The following PRKAB1 variants were observed in gnomAD, a reference collection of about 807,000 sequenced individuals.
PRKAB1 encodes 5'-AMP-activated protein kinase subunit beta-1.
Under a neutral mutation model 32.0 loss-of-function variants are expected in PRKAB1, and 18 were observed. That is an observed-to-expected ratio of 0.56 (90% CI 0.39 to 0.83). PRKAB1 has a LOEUF of 0.83. Ranked by LOEUF, PRKAB1 falls within the 40% of genes least tolerant of loss-of-function variation. The pLI is 0.00. For synonymous variants in PRKAB1, 141 were observed against 141.4 expected (o/e 1.00, Z 0.02); for missense variants, 263 against 352.6 (o/e 0.75, Z 2.03).
In PRKAB1 at chr12:119,674,238, T is replaced by C; in HGVS notation, c.418-102T>C. On this transcript the variant is annotated intron_variant, in intron 3 of 6. Transcript: ENST00000229328. This position sits in a 1 kb window ranked among gnomAD's most constrained non-coding sequence, Gnocchi z 4.3. ...ACTTGACCAAGATGAGCAGGGTGGC[T>C]AGCCAGGAGATGAGGCCTTCCAGCC... 9.2e-7 allele frequency: 1 copy of C among 1,084,658 alleles called. No homozygotes were observed. The highest frequency in any genetic ancestry group is 1.5e-5 in the South Asian group (1 of 68,906). The allele number at this position is 1,084,658 out of a possible 1,614,324, so 67.2% of individuals were successfully genotyped here. A position where few individuals can be genotyped will look rare whatever the true frequency, so the allele number is the denominator to read the frequency against.
In PRKAB1 at chr12:119,674,452, C is replaced by T. The variant is rs762954063; in HGVS notation, c.530C>T (p.Ser177Phe). 3 of 1,600,280 alleles carry T rather than the reference C, an allele frequency of 1.9e-6. No individual in the cohort carries two copies. Among genetic ancestry groups the T allele is most frequent in the African/African-American group, 2.7e-5 (2 of 74,666 alleles). ...MVDSQKCSDV[S>F]ELSSSPPGPY... ...GATTCCCAAAAGTGCTCCGATGTGT[C>T]TGGTATGAACACAGTTATTTTATAC... is the stretch of plus-strand genomic sequence containing the variant. The change falls in exon 4 of 7, where the codon TCT becomes TTT. Residue 177 changes from serine to phenylalanine, a missense_variant and splice_region_variant. By Grantham distance (155) the Ser-to-Phe change is radical. Transcript: ENST00000229328. The surrounding 1 kb of genome is among the most constrained non-coding windows in gnomAD (Gnocchi z 4.3).
At chr12:119,672,492 T>A in intron 2 of PRKAB1, 28 bp downstream of exon 2, 1 of 1,481,748 alleles carries the variant, frequency 6.7e-7, no homozygotes, top group South Asian at 1.4e-5. Context: ...GTTCACATAT[T>A]TGTCTTAACA....
Position 119,680,617 on chromosome 12 carries a change from T to C in PRKAB1, c.*292T>C, listed in dbSNP as rs1221548956. On this transcript the variant is annotated 3_prime_UTR_variant, in exon 7 of 7. Coordinates refer to ENST00000229328, the MANE Select transcript of PRKAB1 (RefSeq NM_006253.5). ...TCTGCAGCCCTGGCCCCGCGGTGCATGAGGCTGGGTGCAGTTCTAAACCTA... is the reference window on the plus strand; with the variant it reads ...TCTGCAGCCCTGGCCCCGCGGTGCACGAGGCTGGGTGCAGTTCTAAACCTA... 2.3e-6 allele frequency: 1 copy of C among 437,000 alleles called. No homozygotes were observed. Among genetic ancestry groups the C allele is most frequent in the East Asian group, 3.8e-5 (1 of 26,180 alleles). 27.1% of individuals were successfully genotyped at this position (437,000 alleles called of 1,614,324 possible). A position where few individuals can be genotyped will look rare whatever the true frequency, so the allele number is the denominator to read the frequency against.
chr12:119,671,476 A>G (rs1426391065), intron 1 of PRKAB1: 2 of 419,514 alleles, frequency 4.8e-6, no homozygotes, highest in African/African-American at 2.0e-5. Flanking sequence ...CAATCATGGT[A>G]AAAGGCACCT....
intron 1 of PRKAB1, among the ~76,000 whole-genome samples, chr12:119,670,517 T>C (rs1212439197): frequency 6.6e-6 from 1 of 152,232 alleles, no homozygotes; most frequent in Admixed American, 6.5e-5. Context: ...GAATCATGTT[T>C]CTCTAATGAC....
At chr12:119,668,889 C>T (rs1213376175) in intron 1 of PRKAB1, among the ~76,000 whole-genome samples, 1 of 152,176 alleles carries the variant, frequency 6.6e-6, no homozygotes, top group Non-Finnish European at 1.5e-5. Flanking sequence ...CAGCTGACGG[C>T]AGTTGCCAGA....
Position 119,676,521 on chromosome 12 carries a change from T to C in PRKAB1, c.533-16T>C, listed in dbSNP as rs1565876731. 2 of 1,596,074 alleles carry C rather than the reference T, an allele frequency of 1.3e-6. No individual in the cohort carries two copies. Among genetic ancestry groups the C allele is most frequent in the African/African-American group, 1.3e-5 (1 of 74,476 alleles). ...CCTGATTTTCAAAGTAAAGTCCTGT[T>C]ACCATCTCCCAACAGAGCTGTCCAG... On this transcript the variant is annotated splice_polypyrimidine_tract_variant and intron_variant, in intron 4 of 6. Coordinates refer to ENST00000229328, the MANE Select transcript of PRKAB1 (RefSeq NM_006253.5).
intron 4 of PRKAB1, among the ~76,000 whole-genome samples, chr12:119,675,029 G>C (rs1174398046): frequency 1.3e-5 from 2 of 152,234 alleles, no homozygotes; most frequent in Non-Finnish European, 2.9e-5. Flanking sequence ...TCTTGTAAGA[G>C]CCTTTCAGGC....
At chr12:119,668,494 C>T (rs1056975546) in intron 1 of PRKAB1, 91 bp downstream of exon 1, 13 of 1,500,692 alleles carry the variant, frequency 8.7e-6, no homozygotes, top group Middle Eastern at 1.7e-4. Context: ...TTTCGAAAAA[C>T]ACCAGAACGG....
chr12:119,674,043 C>T lies in PRKAB1; in HGVS notation c.403C>T (p.His135Tyr), dbSNP rs1401257819. 1 of 1,613,618 alleles carries T rather than the reference C, an allele frequency of 6.2e-7. No individual in the cohort carries two copies. The highest frequency in any genetic ancestry group is 2.2e-5 in the East Asian group (1 of 44,878). The change falls in exon 3 of 7, where the codon CAC becomes TAC. Residue 135 changes from histidine (H) to tyrosine (Y), a missense_variant. Physicochemically the swap from His to Tyr is moderately conservative, Grantham distance 83. Coordinates refer to ENST00000229328, the MANE Select transcript of PRKAB1 (RefSeq NM_006253.5). The surrounding 1 kb of genome is among the most constrained non-coding windows in gnomAD (Gnocchi z 4.3). ...YKFFVDGQWTHDPSEPIVTSQ... is the reference protein window; with the variant it reads ...YKFFVDGQWTYDPSEPIVTSQ... ...GTTCTTTGTGGATGGTCAGTGGACG[C>T]ACGACCCTTCCGAGGTACTCTTCCT...
At position 119,668,308 on chromosome 12, in the gene PRKAB1, AGGGACAGCTCGGG is replaced by A; in HGVS notation, c.68_80del (p.Asp23AlafsTer11). On this transcript the variant is annotated frameshift_variant, in exon 1 of 7. Coordinates refer to ENST00000229328, the MANE Select transcript of PRKAB1 (RefSeq NM_006253.5). LOFTEE classifies it high-confidence loss of function. ...GCATGGTGGCCATAAGACGCCCCGG[AGGGACAGCTCGGG>A]GGGCACCAAGGACGGGGACAGGCCC... 2 of 1,612,616 alleles carry A rather than the reference AGGGACAGCTCGGG, an allele frequency of 1.2e-6. No individual in the cohort carries two copies. The highest frequency in any genetic ancestry group is 1.7e-6 in the Non-Finnish European group (2 of 1,179,422).
In PRKAB1 at chr12:119,679,684, C is replaced by G; in HGVS notation, c.667-249C>G. 1 of 503,888 alleles carries G rather than the reference C, an allele frequency of 2.0e-6. No individual in the cohort carries two copies. The highest frequency in any genetic ancestry group is 2.0e-5 in the South Asian group (1 of 49,562). The allele number at this position is 503,888 out of a possible 1,614,324, so 31.2% of individuals were successfully genotyped here. A position where few individuals can be genotyped will look rare whatever the true frequency, so the allele number is the denominator to read the frequency against. ...GCCGTGGCCCACACTTGAAAGAGGCCGGGGTAAATGCCTGGCCAGAGACAC... is the reference window on the plus strand; with the variant it reads ...GCCGTGGCCCACACTTGAAAGAGGCGGGGGTAAATGCCTGGCCAGAGACAC... On this transcript the variant is annotated intron_variant, in intron 5 of 6. Coordinates refer to ENST00000229328, the MANE Select transcript of PRKAB1 (RefSeq NM_006253.5). This position sits in a 1 kb window ranked among gnomAD's most constrained non-coding sequence, Gnocchi z 4.1.
rs1955463713 is a variant in PRKAB1, at chr12:119,681,497, T to A, written c.*1172T>A. 1 of 152,218 alleles carries A rather than the reference T, an allele frequency of 6.6e-6. No homozygotes were observed. The highest frequency in any genetic ancestry group is 1.5e-5 in the Non-Finnish European group (1 of 68,030). The allele number at this position is 152,218 out of a possible 1,614,324, so 9.4% of individuals were successfully genotyped here. Reference sequence around the variant, plus strand: ...CCTGGTGGGAGAGGGAGGAGTGAGCTCCCTGGGTTCCAGTATTTACTTGGT... The same window carrying A: ...CCTGGTGGGAGAGGGAGGAGTGAGCACCCTGGGTTCCAGTATTTACTTGGT... On this transcript the variant is annotated 3_prime_UTR_variant, in exon 7 of 7. Coordinates refer to ENST00000229328, the MANE Select transcript of PRKAB1 (RefSeq NM_006253.5).
At position 119,674,150 on chromosome 12, in the gene PRKAB1, CT is replaced by C; in HGVS notation, c.417+94del. The C allele has an allele frequency of 7.9e-7, 1 of 1,258,622 alleles. No homozygotes were observed. The allele number at this position is 1,258,622 out of a possible 1,614,324, so 78.0% of individuals were successfully genotyped here. The stretch of plus-strand genomic sequence containing the variant: ...ATTGCCGCTAGGTCCCTTTGCCCAG[CT>C]AGTAAAAGTCCCCGTGTGTGGCAGA... On this transcript the variant is annotated intron_variant, in intron 3 of 6. Coordinates refer to ENST00000229328, the MANE Select transcript of PRKAB1 (RefSeq NM_006253.5). This position sits in a 1 kb window ranked among gnomAD's most constrained non-coding sequence, Gnocchi z 4.3.
In PRKAB1 at chr12:119,674,192, T is replaced by C; in HGVS notation, c.417+135T>C. ...GTGTGGCAGAGCTGAGTAGCAGCAC[T>C]ACCTGTCAGACAGTTGGCATACTTG... On this transcript the variant is annotated intron_variant, in intron 3 of 6. Transcript: ENST00000229328. The surrounding 1 kb of genome is among the most constrained non-coding windows in gnomAD (Gnocchi z 4.3). 9.8e-7 allele frequency: 1 copy of C among 1,015,614 alleles called. No homozygotes were observed. 62.9% of individuals were successfully genotyped at this position (1,015,614 alleles called of 1,614,324 possible).
In PRKAB1 at chr12:119,679,509, G is replaced by A. The variant is rs1046693373; in HGVS notation, c.667-424G>A. The A allele has an allele frequency of 1.5e-5, 3 of 194,016 alleles. No individual in the cohort carries two copies. The highest frequency in any genetic ancestry group is 2.4e-5 in the African/African-American group (1 of 42,372). 12.0% of individuals were successfully genotyped at this position (194,016 alleles called of 1,614,324 possible). A position where few individuals can be genotyped will look rare whatever the true frequency, so the allele number is the denominator to read the frequency against. On this transcript the variant is annotated intron_variant, in intron 5 of 6. Coordinates refer to ENST00000229328, the MANE Select transcript of PRKAB1 (RefSeq NM_006253.5). This position sits in a 1 kb window ranked among gnomAD's most constrained non-coding sequence, Gnocchi z 4.1. ...GTAGTGGTGTCTTGCCCAGGTATCC[G>A]TTTCATTCTTCAGGTTCATTGAGTC...
chr12:119,669,038 AC>A (rs762125128), intron 1 of PRKAB1, among the ~76,000 whole-genome samples: 1 of 150,794 alleles, frequency 6.6e-6, no homozygotes, highest in Non-Finnish European at 1.5e-5. Flanking sequence ...AATGGCGTGA[AC>A]CCGGGAGGCG....
chr12:119,674,104 A>G lies in PRKAB1; in HGVS notation c.417+47A>G. 3.2e-6 allele frequency: 5 copies of G among 1,543,480 alleles called. No individual in the cohort carries two copies. The highest frequency in any genetic ancestry group is 4.4e-6 in the Non-Finnish European group (5 of 1,123,712). ...GTCCTCTGGGTGCCCGCACATTCCA[A>G]ACAAATCACCTTCCCAAGAGATTGC... On this transcript the variant is annotated intron_variant, in intron 3 of 6. Coordinates refer to ENST00000229328, the MANE Select transcript of PRKAB1 (RefSeq NM_006253.5). The surrounding 1 kb of genome is among the most constrained non-coding windows in gnomAD (Gnocchi z 4.3).
chr12:119,674,131 G>A lies in PRKAB1; in HGVS notation c.417+74G>A, dbSNP rs556459293. ...CAAATCACCTTCCCAAGAGATTGCC[G>A]CTAGGTCCCTTTGCCCAGCTAGTAA... is the stretch of plus-strand genomic sequence containing the variant. On this transcript the variant is annotated intron_variant, in intron 3 of 6. Coordinates refer to ENST00000229328, the MANE Select transcript of PRKAB1 (RefSeq NM_006253.5). The surrounding 1 kb of genome is among the most constrained non-coding windows in gnomAD (Gnocchi z 4.3). 1.2e-4 allele frequency: 174 copies of A among 1,404,840 alleles called. 1 individual carries two copies. The highest frequency in any genetic ancestry group is 8.8e-4 in the South Asian group (72 of 81,558). 87.0% of individuals were successfully genotyped at this position (1,404,840 alleles called of 1,614,324 possible).
Sources: gnomAD v4.1 joint callset for allele counts (sites outside exome capture counted in the v4.1 genomes callset) on GRCh38, gnomAD v4.1.1 for gene constraint, Gnocchi (gnomAD v3.1) non-coding constraint, MANE v1.5 for transcripts, NCBI Gene and HGNC (gene_info 2026-07-23, HGNC 2026-07-21) for gene names.